The following ZNF33B variants were observed in gnomAD, a reference collection of about 807,000 sequenced individuals.
ZNF33B encodes zinc finger protein 11b (KOX 2).
ZNF33B carries 29 observed loss-of-function variants against 45.8 expected under a neutral mutation model. That is an observed-to-expected ratio of 0.63 (90% CI 0.47 to 0.86). The LOEUF (loss-of-function observed/expected upper bound fraction) is 0.86. ZNF33B is among the 40% of genes least tolerant of loss of function. The pLI is 0.00. For missense variants in ZNF33B, 831 were observed against 909.9 expected (o/e 0.91, Z 1.12); for synonymous variants, 305 against 307.8 (o/e 0.99, Z 0.10).
intron 4 of ZNF33B, among the ~76,000 whole-genome samples, chr10:42,607,844 G>T (rs1183768823): frequency 1.3e-5 from 2 of 152,116 alleles, no homozygotes; most frequent in East Asian, 3.9e-4. Flanking sequence ...TCAAACCATT[G>T]TAAGTCAGGA....
chr10:42,610,093 A>AT (rs1191897024), intron 4 of ZNF33B, among the ~76,000 whole-genome samples: 1 of 152,234 alleles, frequency 6.6e-6, no homozygotes, highest in Non-Finnish European at 1.5e-5. Context: ...GAAAAAAAAA[A>AT]GTGGAACTAT....
At chr10:42,604,931 A>C (rs1196103115) in intron 4 of ZNF33B, among the ~76,000 whole-genome samples, 1 of 152,010 alleles carries the variant, frequency 6.6e-6, no homozygotes, top group Non-Finnish European at 1.5e-5. Context: ...CAAAAAAAAA[A>C]AAAGAAAGAA....
At chr10:42,603,883 C>A (rs965375710) in intron 4 of ZNF33B, among the ~76,000 whole-genome samples, 6 of 152,112 alleles carry the variant, frequency 3.9e-5, no homozygotes, top group African/African-American at 1.4e-4. Context: ...CAGTGAGAAC[C>A]CAATGGGAGT....
chr10:42,598,691 AG>A (rs1403600093), intron 4 of ZNF33B, among the ~76,000 whole-genome samples: 15 of 152,354 alleles, frequency 9.8e-5, no homozygotes, highest in Non-Finnish European at 1.9e-4. Flanking sequence ...GCCGAGATAC[AG>A]GGAATTACAC....
chr10:42,619,452 G>A (rs1564519279), intron 4 of ZNF33B, among the ~76,000 whole-genome samples: 1 of 152,142 alleles, frequency 6.6e-6, no homozygotes, highest in Non-Finnish European at 1.5e-5. Flanking sequence ...AACAAATGCT[G>A]AGTTTGTTAC....
chr10:42,590,153 T>C lies in ZNF33B; in HGVS notation c.*2460A>G, dbSNP rs1286836592. 1 of 152,232 alleles carries C rather than the reference T, an allele frequency of 6.6e-6. No homozygotes were observed. The highest frequency in any genetic ancestry group is 1.5e-5 in the Non-Finnish European group (1 of 68,044). 9.4% of individuals were successfully genotyped at this position (152,232 alleles called of 1,614,324 possible). Reference sequence around the variant, plus strand: ...GATTTGCTAACATTTTAAGGATTTCTGCATCTGTGTTCACTGGAAATATTG... The same window carrying C: ...GATTTGCTAACATTTTAAGGATTTCCGCATCTGTGTTCACTGGAAATATTG... On this transcript the variant is annotated 3_prime_UTR_variant, in exon 5 of 5. Transcript: ENST00000359467.
chr10:42,592,329 T>C lies in ZNF33B; in HGVS notation c.*284A>G, dbSNP rs1589020486. ...CTCAGTGTAAATGCTAACATAATCC[T>C]ATTTGTAGTTTTGCCAAAAACTTTC... On this transcript the variant is annotated 3_prime_UTR_variant, in exon 5 of 5. Transcript: ENST00000359467. 1 of 602,834 alleles carries C rather than the reference T, an allele frequency of 1.7e-6. No homozygotes were observed. The highest frequency in any genetic ancestry group is 2.4e-6 in the Non-Finnish European group (1 of 412,420). 37.3% of individuals were successfully genotyped at this position (602,834 alleles called of 1,614,324 possible).
chr10:42,624,710 T>G (rs1481044050), intron 4 of ZNF33B, among the ~76,000 whole-genome samples: 3 of 120,144 alleles, frequency 2.5e-5, no homozygotes. Flanking sequence ...ATCAAGACAA[T>G]TACTAAGTAA....
intron 2 of ZNF33B, among the ~76,000 whole-genome samples, chr10:42,634,402 A>T (rs1281334936): frequency 6.6e-6 from 1 of 152,080 alleles, no homozygotes; most frequent in Non-Finnish European, 1.5e-5. Context: ...GTCTCAAAAA[A>T]AAAGGTAAGA....
At chr10:42,610,511 C>T (rs531621251) in intron 4 of ZNF33B, among the ~76,000 whole-genome samples, 1 of 152,184 alleles carries the variant, frequency 6.6e-6, no homozygotes, top group Non-Finnish European at 1.5e-5. Flanking sequence ...GCACTCCACC[C>T]TGGGCAATAA....
rs1195923501 is a variant in ZNF33B, at chr10:42,601,480, T to TG, written c.251-6782_251-6781insC. 8.2e-4 allele frequency among the ~76,000 whole-genome samples: 114 copies of TG among 139,556 alleles called. 1 individual carries two copies. The Middle Eastern group carries it at 0.025, about 30-fold the overall frequency. The allele number at this position is 139,556 out of a possible 152,430, so 91.6% of individuals were successfully genotyped here. On this transcript the variant is annotated intron_variant, in intron 4 of 4. Coordinates refer to ENST00000359467, the MANE Select transcript of ZNF33B (RefSeq NM_006955.3). Reference sequence around the variant, plus strand: ...CTCACATGGGCTTGTTTTTTTTTTTTTTTTTTTTTTTTTGAGACACAGTCT... The same window carrying TG: ...CTCACATGGGCTTGTTTTTTTTTTTTGTTTTTTTTTTTTTGAGACACAGTCT...
At chr10:42,620,247 A>G (rs1838512764) in intron 4 of ZNF33B, among the ~76,000 whole-genome samples, 1 of 151,580 alleles carries the variant, frequency 6.6e-6, no homozygotes. Context: ...AAACACAAAG[A>G]AGGCAGTAAT....
At chr10:42,628,626 A>ATTTTG (rs1838917973) in intron 4 of ZNF33B, among the ~76,000 whole-genome samples, 1 of 151,984 alleles carries the variant, frequency 6.6e-6, no homozygotes, top group South Asian at 2.1e-4. Context: ...AGTCTACTGT[A>ATTTTG]TTTTGTTTTT....
In ZNF33B at chr10:42,593,476, T is replaced by C. The variant is rs774662456; in HGVS notation, c.1474A>G (p.Ile492Val). 12 of 1,613,996 alleles carry C rather than the reference T, an allele frequency of 7.4e-6. No individual in the cohort carries two copies. Among genetic ancestry groups the C allele is most frequent in the Middle Eastern group, 1.6e-4 (1 of 6,084 alleles). ...SHLTQHQRTH[I>V]GDKPYECNAC... ...TTACATTCATAAGGTTTATCTCCTATGTGAGTTCTCTGATGCTGTGTAAGA... is the reference window on the plus strand; with the variant it reads ...TTACATTCATAAGGTTTATCTCCTACGTGAGTTCTCTGATGCTGTGTAAGA... The change falls in exon 5 of 5, where the codon ATA (isoleucine) becomes GTA (valine). Residue 492 changes from isoleucine to valine, a missense_variant. Ile to Val is a conservative substitution (Grantham distance 29). Transcript: ENST00000359467.
At chr10:42,611,990 G>A (rs2132096926) in intron 4 of ZNF33B, among the ~76,000 whole-genome samples, 1 of 152,218 alleles carries the variant, frequency 6.6e-6, no homozygotes, top group East Asian at 1.9e-4. Flanking sequence ...TTGAGTAAGA[G>A]TGAAGAGACA....
At chr10:42,582,273 G>A (rs1836842820) in intron 1 of ZNF33B, 1 of 152,142 alleles carries the variant, frequency 6.6e-6, no homozygotes, top group Non-Finnish European at 1.5e-5. Context: ...ATGAACTCTG[G>A]GGTATATACG....
rs1392469648 is a variant in ZNF33B at position 42,591,297 on chromosome 10, C to T, written c.*1316G>A. The T allele has an allele frequency of 2.3e-6, 2 of 867,178 alleles. No homozygotes were observed. Among genetic ancestry groups the T allele is most frequent in the Non-Finnish European group, 2.8e-6 (2 of 722,850 alleles). 53.7% of individuals were successfully genotyped at this position (867,178 alleles called of 1,614,324 possible). On this transcript the variant is annotated 3_prime_UTR_variant, in exon 5 of 5. Coordinates refer to ENST00000359467, the MANE Select transcript of ZNF33B (RefSeq NM_006955.3). ...GCTGCTTAAAGAAAATTTGGACTAT[C>T]ACTTACGCTGAAGGCTGGAGTGTTC... is the stretch of plus-strand genomic sequence containing the variant.
intron 1 of ZNF33B, among the ~76,000 whole-genome samples, chr10:42,575,687 A>G (rs1031560953): frequency 3.3e-5 from 5 of 149,834 alleles, no homozygotes; most frequent in Admixed American, 2.0e-4. Context: ...TGAAGACATT[A>G]TAAGTTTATA....
At chr10:42,618,910 C>T (rs1340618272) in intron 4 of ZNF33B, among the ~76,000 whole-genome samples, 3 of 152,068 alleles carry the variant, frequency 2.0e-5, no homozygotes, top group African/African-American at 7.2e-5. Context: ...ATACATTGAT[C>T]TGCACCAGAC....
Sources: gnomAD v4.1 joint callset for allele counts (sites outside exome capture counted in the v4.1 genomes callset) on GRCh38, gnomAD v4.1.1 for gene constraint, MANE v1.5 for transcripts, NCBI Gene and HGNC (gene_info 2026-07-23, HGNC 2026-07-21) for gene names.